Variants in COPB2 observed in about 807,000 individuals in gnomAD.
COPB2 encodes coat protein complex I subunit beta 2.
Under a neutral mutation model 120.8 loss-of-function variants are expected in COPB2, and 16 were observed. The ratio of observed to expected loss-of-function variants is 0.13; its 90% CI spans 0.09 to 0.20. The LOEUF is 0.20. Ranked by LOEUF, COPB2 falls within the 10% of genes least tolerant of loss-of-function variation. The probability of loss-of-function intolerance (pLI) is 1.00; values close to 1 mark genes in which losing one functional copy is unlikely to be tolerated. For missense variants in COPB2, 794 were observed against 1,076.5 expected (o/e 0.74, Z 3.67); for synonymous variants, 332 against 366.3 (o/e 0.91, Z 1.07).
intron 1 of COPB2, among the ~76,000 whole-genome samples, chr3:139,384,350 C>T (rs1440443726): frequency 6.6e-6 from 1 of 152,218 alleles, no homozygotes; most frequent in Non-Finnish European, 1.5e-5. Context: ...TCACTAATTT[C>T]ACCACCTACT....
intron 16 of COPB2, 92 bp from the exon 17 acceptor site, chr3:139,361,387 T>A (rs1333223145): frequency 3.2e-6 from 4 of 1,257,174 alleles, no homozygotes; most frequent in Non-Finnish European, 4.4e-6. Flanking sequence ...ACAATGTTTA[T>A]AAAAAGAGCT....
intron 15 of COPB2, among the ~76,000 whole-genome samples, chr3:139,364,014 C>T (rs1423250490): frequency 6.6e-6 from 1 of 151,060 alleles, no homozygotes; most frequent in African/African-American, 2.4e-5. Flanking sequence ...TCTGCTAATT[C>T]CCTACTACTA....
At chr3:139,379,340 A>G in intron 3 of COPB2, 40 bp downstream of exon 3, 2 of 1,595,884 alleles carry the variant, frequency 1.3e-6, no homozygotes, top group Middle Eastern at 3.3e-4. Flanking sequence ...TCATTGACCA[A>G]TTCAGAAAAT....
chr3:139,368,737 C>T (rs1171488029), intron 12 of COPB2, among the ~76,000 whole-genome samples: 1 of 151,978 alleles, frequency 6.6e-6, no homozygotes, highest in African/African-American at 2.4e-5. Context: ...AAGAGTAAGC[C>T]CCCAAGTCAA....
chr3:139,363,380 A>G (rs1158630984), intron 15 of COPB2, among the ~76,000 whole-genome samples: 1 of 152,138 alleles, frequency 6.6e-6, no homozygotes, highest in Admixed American at 6.5e-5. Context: ...TGAACTGTAC[A>G]TGTGATGGAT....
At chr3:139,373,133 C>CA in intron 9 of COPB2, 80 bp downstream of exon 9, 1 of 1,407,506 alleles carries the variant, frequency 7.1e-7, no homozygotes, top group Non-Finnish European at 1.0e-6. Context: ...ATGCCAACCA[C>CA]AGGGCAAGAG....
At position 139,374,589 on chromosome 3, in the gene COPB2, C is replaced by T; in HGVS notation, c.652-1G>A. 1 of 1,610,828 alleles carries T rather than the reference C, an allele frequency of 6.2e-7. No individual in the cohort carries two copies. Among genetic ancestry groups the T allele is most frequent in the Non-Finnish European group, 8.5e-7 (1 of 1,178,084 alleles). On this transcript the variant is annotated splice_acceptor_variant, in intron 6 of 21. Transcript: ENST00000333188. LOFTEE classifies it high-confidence loss of function. ...CCAGTGTCTGCACACATGTTTTATT[C>T]TGTAATTAAGACATAGAAAACATGT...
chr3:139,365,917 T>G (rs1030282162), intron 15 of COPB2, among the ~76,000 whole-genome samples: 1 of 152,040 alleles, frequency 6.6e-6, no homozygotes, highest in Non-Finnish European at 1.5e-5. Context: ...TTCTGAGAGA[T>G]AAAGGATAGG....
At position 139,389,607 on chromosome 3, in the gene COPB2, A is replaced by T; in HGVS notation, c.-57T>A. The T allele has an allele frequency of 6.6e-7, 1 of 1,516,922 alleles. No individual in the cohort carries two copies. The highest frequency in any genetic ancestry group is 9.0e-7 in the Non-Finnish European group (1 of 1,110,070). The allele number at this position is 1,516,922 out of a possible 1,614,324, so 94.0% of individuals were successfully genotyped here. A position where few individuals can be genotyped will look rare whatever the true frequency, so the allele number is the denominator to read the frequency against. On this transcript the variant is annotated 5_prime_UTR_variant, in exon 1 of 22. Transcript: ENST00000333188. ...TTTGTTACCGGCTACTCAGGCCTTG[A>T]GATAAACCCACCGATCCACTGACCG...
At chr3:139,370,995 A>G (rs995605376) in intron 10 of COPB2, among the ~76,000 whole-genome samples, 3 of 152,218 alleles carry the variant, frequency 2.0e-5, no homozygotes, top group Non-Finnish European at 4.4e-5. Context: ...AAGTTACCCC[A>G]CTGTTGGGGG....
rs878894410 is a variant in COPB2, at chr3:139,359,266, G to A, written c.2303+4C>T. The A allele has an allele frequency of 4.3e-6, 7 of 1,614,026 alleles. No individual in the cohort carries two copies. In the Middle Eastern group the frequency reaches 6.6e-4, roughly 152 times the overall value. On this transcript the variant is annotated splice_donor_region_variant and intron_variant, in intron 18 of 21. Transcript: ENST00000333188. ...CATTTCTTCCTAAAATTAAAAGTCT[G>A]TACCTTGAAACCTGACTGGGTAAGT...
Position 139,361,206 on chromosome 3 carries a change from A to G in COPB2, c.2085T>C (p.Asp695=). The change falls in exon 17 of 22, where the codon GAT becomes GAC. Residue 695 remains aspartate, a synonymous_variant. Coordinates refer to ENST00000333188, the MANE Select transcript of COPB2 (RefSeq NM_004766.3). ...TGGCCAAAAGCAGCAGGCCCCCATA[A>G]TCCTGTGCATGATGCAGGCACTCCT... ...LAQECLHHAQ[D]YGGLLLLATA... The G allele has an allele frequency of 3.1e-6, 5 of 1,614,158 alleles. No individual in the cohort carries two copies. The highest frequency in any genetic ancestry group is 3.4e-6 in the Non-Finnish European group (4 of 1,180,026).
chr3:139,373,706 T>C lies in COPB2; in HGVS notation c.854A>G (p.Asn285Ser), dbSNP rs138538036. ...CCCTTCATCATAGCCCAAAGCGACATTGTTTGACCCTCTTAGACTGGCCAC... is the reference window on the plus strand; with the variant it reads ...CCCTTCATCATAGCCCAAAGCGACACTGTTTGACCCTCTTAGACTGGCCAC... ...WCVASLRGSN[N>S]VALGYDEGSI... The change falls in exon 8 of 22, where the codon AAT becomes AGT. Residue 285 changes from asparagine (N) to serine (S), a missense_variant. Asn to Ser is a conservative substitution (Grantham distance 46). Around this residue, in one of 3 missense-constraint regions of COPB2, gnomAD observed 610 missense variants for 866.7 expected, o/e 0.70. Coordinates refer to ENST00000333188, the MANE Select transcript of COPB2 (RefSeq NM_004766.3). 4.0e-5 allele frequency: 64 copies of C among 1,614,154 alleles called. No individual in the cohort carries two copies. The Middle Eastern group carries it at 6.6e-4, about 17-fold the overall frequency.
Position 139,369,559 on chromosome 3 carries a change from G to A in COPB2, c.1206-15C>T. On this transcript the variant is annotated splice_polypyrimidine_tract_variant and intron_variant, in intron 10 of 21. Transcript: ENST00000333188. ...TTATTGCATACCTGGGAGAAAAAAG[G>A]GAAGGCAAACATAACATGTTATATA... 1 of 1,524,006 alleles carries A rather than the reference G, an allele frequency of 6.6e-7. No homozygotes were observed. The highest frequency in any genetic ancestry group is 9.0e-7 in the Non-Finnish European group (1 of 1,109,460). The allele number at this position is 1,524,006 out of a possible 1,614,324, so 94.4% of individuals were successfully genotyped here.
Position 139,366,633 on chromosome 3 carries a change from C to T in COPB2, c.1819G>A (p.Asp607Asn), listed in dbSNP as rs1224786328. The T allele has an allele frequency of 8.7e-6, 14 of 1,613,976 alleles. No homozygotes were observed. The highest frequency in any genetic ancestry group is 1.1e-5 in the Non-Finnish European group (13 of 1,179,990). Residue 607 changes from aspartate to asparagine, a missense_variant, in exon 15 of 22, where the codon GAT (aspartate) becomes AAT (asparagine). Coordinates refer to ENST00000333188, the MANE Select transcript of COPB2 (RefSeq NM_004766.3). ...AVMRRDFSMA[D>N]KVLPTIPKEQ... ...TTTGGAATGGTAGGAAGGACCTTAT[C>T]AGCCATGCTAAAGTCCCTCCGCATG...
rs1941384718 is a variant in COPB2 at position 139,360,175 on chromosome 3, G to A, written c.2211-813C>T. On this transcript the variant is annotated intron_variant, in intron 17 of 21. Transcript: ENST00000333188. ...ATGGGGTGCACGTTCAAAGTTATAT[G>A]GCGAAGTATGGGATTGTAAAAAAAA... is the stretch of plus-strand genomic sequence containing the variant. Among the ~76,000 whole-genome samples, 5 of 125,740 alleles carry A rather than the reference G, an allele frequency of 4.0e-5. No individual in the cohort carries two copies. In the South Asian group the frequency reaches 1.5e-3, roughly 37 times the overall value. The allele number at this position is 125,740 out of a possible 152,430, so 82.5% of individuals were successfully genotyped here. A position where few individuals can be genotyped will look rare whatever the true frequency, so the allele number is the denominator to read the frequency against.
chr3:139,386,702 G>C (rs1941931641), intron 1 of COPB2, among the ~76,000 whole-genome samples: 2 of 152,104 alleles, frequency 1.3e-5, no homozygotes, highest in South Asian at 4.1e-4. Context: ...ACCATGGTGA[G>C]GGTTTTCATA....
chr3:139,371,341 G>A (rs1049827586), intron 10 of COPB2, among the ~76,000 whole-genome samples: 28 of 152,056 alleles, frequency 1.8e-4, no homozygotes, highest in African/African-American at 6.3e-4. Flanking sequence ...GCTCATAAAG[G>A]GGCAGTAGCA....
chr3:139,362,954 C>G (rs896896449), intron 15 of COPB2, among the ~76,000 whole-genome samples: 9 of 152,240 alleles, frequency 5.9e-5, no homozygotes, highest in Non-Finnish European at 1.0e-4. Flanking sequence ...AAGTAGAGAT[C>G]ATCTAGTCCA....
Sources: allele counts gnomAD v4.1 joint callset (sites outside exome capture counted in the v4.1 genomes callset), GRCh38; gene constraint gnomAD v4.1.1; regional missense constraint gnomAD v4.1.1; transcripts MANE v1.5; gene names NCBI Gene and HGNC (gene_info 2026-07-23, HGNC 2026-07-21).